Variants in OGDH observed in about 807,000 individuals in gnomAD.
OGDH encodes 2-oxoglutarate dehydrogenase complex component E1.
Under a neutral mutation model 116.6 loss-of-function variants are expected in OGDH, and 38 were observed. The ratio of observed to expected loss-of-function variants is 0.33; its 90% CI spans 0.25 to 0.43. The LOEUF (loss-of-function observed/expected upper bound fraction) is 0.43. Ranked by LOEUF, OGDH falls within the 20% of genes least tolerant of loss-of-function variation. The pLI is 1.00. For synonymous variants in OGDH, 488 were observed against 533.3 expected (o/e 0.92, Z 1.17); for missense variants, 825 against 1,357.2 (o/e 0.61, Z 6.16).
rs747177242 is a variant in OGDH, at chr7:44,694,622, G to A, written c.1668+46G>A. 1.0e-5 allele frequency: 16 copies of A among 1,603,324 alleles called. No homozygotes were observed. The highest frequency in any genetic ancestry group is 8.4e-5 in the Admixed American group (5 of 59,776). The stretch of plus-strand genomic sequence containing the variant: ...CCCAGTGCGCCTTTCCAGGGCTGGC[G>A]ATGACTAGAAAAGGTGGGCCACAGG... On this transcript the variant is annotated intron_variant, in intron 12 of 22. Transcript: ENST00000222673. The surrounding 1 kb of genome is among the most constrained non-coding windows in gnomAD (Gnocchi z 4.2).
At chr7:44,682,536 A>T (rs1787972765) in intron 10 of OGDH, among the ~76,000 whole-genome samples, 1 of 151,790 alleles carries the variant, frequency 6.6e-6, no homozygotes, top group Non-Finnish European at 1.5e-5. Flanking sequence ...CATCTCTACT[A>T]AAAATACAAA....
At position 44,673,960 on chromosome 7, in the gene OGDH, G is replaced by A; in HGVS notation, c.788+19G>A. ...CCACCAGGTATGGGTCTGGCCCTGGGCCATGGGGCAGACATTCCCAGGGAA... is the reference window on the plus strand; with the variant it reads ...CCACCAGGTATGGGTCTGGCCCTGGACCATGGGGCAGACATTCCCAGGGAA... On this transcript the variant is annotated intron_variant, in intron 6 of 22. Transcript: ENST00000222673. The A allele has an allele frequency of 6.2e-7, 1 of 1,613,886 alleles. No homozygotes were observed. The highest frequency in any genetic ancestry group is 8.5e-7 in the Non-Finnish European group (1 of 1,179,784).
At chr7:44,624,114 A>G (rs1562617575) in intron 1 of OGDH, among the ~76,000 whole-genome samples, 3 of 151,560 alleles carry the variant, frequency 2.0e-5, no homozygotes, top group African/African-American at 7.3e-5. Flanking sequence ...AGCAGGTAGC[A>G]CTCTTGTGAA....
At chr7:44,666,194 T>C (rs968981018) in intron 4 of OGDH, among the ~76,000 whole-genome samples, 2 of 152,208 alleles carry the variant, frequency 1.3e-5, no homozygotes, top group Non-Finnish European at 2.9e-5. Context: ...TGCCTGGAGC[T>C]CCAACAGACA....
At chr7:44,629,580 C>CTTTTT (rs71701992) in intron 2 of OGDH, among the ~76,000 whole-genome samples, 78 of 60,006 alleles carry the variant, frequency 1.3e-3, no homozygotes, top group Non-Finnish European at 1.8e-3. Flanking sequence ...TTTTTCTTTT[C>CTTTTT]TTTTTTTTTT....
chr7:44,701,646 G>T lies in OGDH; in HGVS notation c.2632+31G>T, dbSNP rs757520341. ...TGTGAGGGAGATGGGCATTTCCTTGGGGGAAGCTATGTTTGGGGCTTCTTT... is the reference window on the plus strand; with the variant it reads ...TGTGAGGGAGATGGGCATTTCCTTGTGGGAAGCTATGTTTGGGGCTTCTTT... On this transcript the variant is annotated intron_variant, in intron 20 of 22. Transcript: ENST00000222673. The T allele has an allele frequency of 5.0e-6, 8 of 1,597,836 alleles. No homozygotes were observed. The African/African-American group carries it at 9.4e-5, about 19-fold the overall frequency.
At chr7:44,647,782 C>T (rs752434417) in intron 4 of OGDH, 23 bp downstream of exon 4, 7 of 1,591,298 alleles carry the variant, frequency 4.4e-6, no homozygotes, top group Middle Eastern at 3.3e-4. Context: ...GAGCAGTCAG[C>T]TGCGTTGCTT....
intron 10 of OGDH, among the ~76,000 whole-genome samples, chr7:44,689,248 C>G (rs1220300510): frequency 1.5e-5 from 2 of 137,926 alleles, no homozygotes; most frequent in African/African-American, 5.5e-5. Flanking sequence ...CAGGGTCTTA[C>G]CCCGTCACCC....
rs200530302 is a variant in OGDH at position 44,645,279 on chromosome 7, T to C, written c.223-48T>C. 3.7e-4 allele frequency: 573 copies of C among 1,560,006 alleles called. 1 individual carries two copies. The Middle Eastern group carries it at 6.5e-3, about 18-fold the overall frequency. On this transcript the variant is annotated intron_variant, in intron 2 of 22. Coordinates refer to ENST00000222673, the MANE Select transcript of OGDH (RefSeq NM_002541.4). ...GTTCTCTGTGGCCACAGATGCATCC[T>C]GGACTTAGGGGAGCAGTGAGGTAAC...
intron 9 of OGDH, among the ~76,000 whole-genome samples, chr7:44,679,624 G>A (rs888136202): frequency 2.0e-5 from 3 of 152,190 alleles, no homozygotes; most frequent in Admixed American, 6.5e-5. Context: ...ACCTTGGCTA[G>A]CCACAGCGTC....
chr7:44,666,381 C>T (rs10247064), intron 4 of OGDH, among the ~76,000 whole-genome samples: 16,475 of 152,128 alleles, frequency 0.11, 1,072 homozygotes, highest in East Asian at 0.24. Context: ...TTACCCAGTG[C>T]CTTTTCATGG....
intron 20 of OGDH, among the ~76,000 whole-genome samples, chr7:44,702,416 A>G (rs954511097): frequency 3.9e-5 from 6 of 152,166 alleles, no homozygotes; most frequent in South Asian, 4.1e-4. Flanking sequence ...TGAGATTTCT[A>G]TAGGGACAGT....
intron 4 of OGDH, among the ~76,000 whole-genome samples, chr7:44,658,648 T>G (rs974156878): frequency 2.0e-5 from 3 of 152,158 alleles, no homozygotes; most frequent in Admixed American, 6.5e-5. Flanking sequence ...CTGTTCCTGA[T>G]CTAAGGGTAA....
At chr7:44,674,041 G>A in intron 6 of OGDH, 100 bp downstream of exon 6, 1 of 1,423,632 alleles carries the variant, frequency 7.0e-7, no homozygotes, top group Non-Finnish European at 9.7e-7. Context: ...GCCGAGGTGA[G>A]AGGGGGTTTG....
intron 2 of OGDH, among the ~76,000 whole-genome samples, chr7:44,634,792 G>A (rs1468420906): frequency 1.3e-5 from 2 of 152,190 alleles, no homozygotes; most frequent in East Asian, 3.9e-4. Context: ...TCTGAGCAAG[G>A]CCTGCATTGA....
intron 1 of OGDH, among the ~76,000 whole-genome samples, chr7:44,621,004 T>G (rs1784987429): frequency 6.6e-6 from 1 of 152,242 alleles, no homozygotes; most frequent in African/African-American, 2.4e-5. Flanking sequence ...TACAGAATTC[T>G]AAGTTGAATT....
chr7:44,678,543 A>T (rs1412243839), intron 9 of OGDH, among the ~76,000 whole-genome samples: 1 of 152,180 alleles, frequency 6.6e-6, no homozygotes, highest in Admixed American at 6.5e-5. Context: ...TTAGTCCCTG[A>T]TTTGCTCATA....
At chr7:44,635,930 C>T (rs1423811374) in intron 2 of OGDH, among the ~76,000 whole-genome samples, 1 of 152,184 alleles carries the variant, frequency 6.6e-6, no homozygotes, top group African/African-American at 2.4e-5. Context: ...GTCTCAATCT[C>T]CTGACCTCAT....
chr7:44,689,411 T>TC (rs1244351704), intron 10 of OGDH, among the ~76,000 whole-genome samples: 1 of 140,652 alleles, frequency 7.1e-6, no homozygotes, highest in African/African-American at 2.7e-5. Flanking sequence ...TTTTTTTTTT[T>TC]TTTTTTTGGT....
Sources: allele counts gnomAD v4.1 joint callset (sites outside exome capture counted in the v4.1 genomes callset), GRCh38; gene constraint gnomAD v4.1.1; non-coding constraint Gnocchi (gnomAD v3.1); transcripts MANE v1.5; gene names NCBI Gene and HGNC (gene_info 2026-07-23, HGNC 2026-07-21).